The following KMT2C variants were observed in gnomAD, a reference collection of about 807,000 sequenced individuals.
KMT2C encodes lysine methyltransferase 2C.
In KMT2C, 88 loss-of-function variants were observed where a neutral mutation model predicts 507.9. The observed-to-expected ratio is 0.17, with a 90% CI of 0.15 to 0.21. The LOEUF is 0.21. Among genes scored for constraint, KMT2C ranks in the 10% least tolerant of loss-of-function variants. KMT2C has a pLI of 1.00. For synonymous variants in KMT2C, 2,049 were observed against 2,080.8 expected (o/e 0.98, Z 0.42); for missense variants, 4,954 against 5,957.8 (o/e 0.83, Z 5.55).
intron 1 of KMT2C, among the ~76,000 whole-genome samples, chr7:152,382,233 G>A (rs2097380629): frequency 6.6e-6 from 1 of 152,146 alleles, no homozygotes; most frequent in Admixed American, 6.6e-5. Flanking sequence ...TGAGACAAAA[G>A]ATACGCATTC....
chr7:152,144,837 C>T lies in KMT2C; in HGVS notation c.14219G>A (p.Ser4740Asn), dbSNP rs759820358. 4 of 1,614,094 alleles carry T rather than the reference C, an allele frequency of 2.5e-6. No homozygotes were observed. The East Asian group carries it at 6.7e-5, about 27-fold the overall frequency. The stretch of plus-strand genomic sequence containing the variant: ...TGCGTTCAGTTCTCCAGTGACTGTG[C>T]TCTGAAATGACTTTGAGGTGCTGGT... Reference protein sequence around the residue: ...NSTSTSKSFQSTVTGELNAPY... With the variant: ...NSTSTSKSFQNTVTGELNAPY... Residue 4740 changes from serine (S) to asparagine (N), a missense_variant, in exon 55 of 59, where the codon AGC becomes AAC. Transcript: ENST00000262189. The surrounding 1 kb of genome is among the most constrained non-coding windows in gnomAD (Gnocchi z 4.4).
chr7:152,205,913 A>G (rs1222080193), intron 24 of KMT2C, among the ~76,000 whole-genome samples: 2 of 152,184 alleles, frequency 1.3e-5, no homozygotes, highest in African/African-American at 4.8e-5. Flanking sequence ...TACCTAGATG[A>G]CACAAATATT....
intron 6 of KMT2C, among the ~76,000 whole-genome samples, chr7:152,298,490 A>G (rs1454812099): frequency 6.6e-6 from 1 of 152,228 alleles, no homozygotes; most frequent in Non-Finnish European, 1.5e-5. Flanking sequence ...AGACAGCAGT[A>G]CATCTCTAAA....
intron 1 of KMT2C, among the ~76,000 whole-genome samples, chr7:152,411,334 G>C (rs1024043290): frequency 6.6e-6 from 1 of 152,046 alleles, no homozygotes; most frequent in African/African-American, 2.4e-5. Flanking sequence ...TTTCAGTAGG[G>C]CGGGATCCGT....
intron 46 of KMT2C, 29 bp from the exon 47 acceptor site, chr7:152,154,474 G>C (rs879620695): frequency 8.7e-6 from 14 of 1,602,100 alleles, no homozygotes; most frequent in Non-Finnish European, 1.2e-5. Flanking sequence ...ACACATCAAA[G>C]TCTGCAAATC....
chr7:152,315,425 T>C (rs1224443265), intron 3 of KMT2C, 87 bp from the exon 4 acceptor site: 27 of 909,336 alleles, frequency 3.0e-5, no homozygotes, highest in Non-Finnish European at 4.7e-5. Flanking sequence ...CTTGTGCTTT[T>C]AAATTATGTC....
intron 42 of KMT2C, among the ~76,000 whole-genome samples, chr7:152,166,940 T>C (rs2092757305): frequency 6.6e-6 from 1 of 152,226 alleles, no homozygotes; most frequent in Admixed American, 6.5e-5. Context: ...GTATGTGCTG[T>C]GACCGTCACT....
intron 12 of KMT2C, 71 bp from the exon 13 acceptor site, chr7:152,250,024 T>C (rs2095539302): frequency 1.0e-5 from 9 of 863,624 alleles, no homozygotes; most frequent in Admixed American, 5.5e-5. Flanking sequence ...CAACAGTAAT[T>C]TGAGTAAAGA....
intron 23 of KMT2C, among the ~76,000 whole-genome samples, chr7:152,215,454 C>T (rs2094550162): frequency 7.6e-6 from 1 of 131,288 alleles, no homozygotes; most frequent in Admixed American, 9.5e-5. Flanking sequence ...GCGGAGCTTG[C>T]AGTGAGCAAA....
intron 14 of KMT2C, among the ~76,000 whole-genome samples, chr7:152,244,703 G>T (rs1362693440): frequency 4.6e-5 from 7 of 152,012 alleles, no homozygotes; most frequent in African/African-American, 1.7e-4. Context: ...TCATCTTTGT[G>T]AAATCCTGCG....
At chr7:152,389,197 T>A (rs1320158551) in intron 1 of KMT2C, among the ~76,000 whole-genome samples, 1 of 151,996 alleles carries the variant, frequency 6.6e-6, no homozygotes, top group Non-Finnish European at 1.5e-5. Flanking sequence ...TCACTCTTAA[T>A]TTTTTTAAAT....
At chr7:152,311,050 G>T (rs956917461) in intron 5 of KMT2C, among the ~76,000 whole-genome samples, 1 of 152,100 alleles carries the variant, frequency 6.6e-6, no homozygotes, top group African/African-American at 2.4e-5. Flanking sequence ...AAGAATAACT[G>T]AATTAGTGAT....
chr7:152,361,112 C>A (rs1321749631), intron 1 of KMT2C, among the ~76,000 whole-genome samples: 1 of 151,910 alleles, frequency 6.6e-6, no homozygotes, highest in East Asian at 1.9e-4. Flanking sequence ...AGCATCACTT[C>A]AAACTTCACA....
Position 152,252,727 on chromosome 7 carries a change from G to A in KMT2C, c.1300-12C>T. The stretch of plus-strand genomic sequence containing the variant: ...CATATTCTGCAATTCTAAACACCAG[G>A]AAAAATAAAAACAAAAACAGTTTGT... On this transcript the variant is annotated splice_polypyrimidine_tract_variant and intron_variant, in intron 9 of 58. Transcript: ENST00000262189. The A allele has an allele frequency of 6.4e-7, 1 of 1,567,496 alleles. No homozygotes were observed.
intron 6 of KMT2C, among the ~76,000 whole-genome samples, chr7:152,282,342 G>A (rs2096232521): frequency 6.6e-6 from 1 of 151,666 alleles, no homozygotes; most frequent in African/African-American, 2.4e-5. Flanking sequence ...CCACTTTGGG[G>A]TTAGAATCCA....
chr7:152,343,270 A>G (rs970632876), intron 2 of KMT2C, among the ~76,000 whole-genome samples: 17 of 152,198 alleles, frequency 1.1e-4, no homozygotes, highest in African/African-American at 3.9e-4. Flanking sequence ...GGGCAATGTA[A>G]GCAGAGAACT....
chr7:152,326,310 TGTGA>T (rs756117616), intron 3 of KMT2C, among the ~76,000 whole-genome samples: 3 of 152,188 alleles, frequency 2.0e-5, no homozygotes, highest in Non-Finnish European at 4.4e-5. Context: ...TCCCCTAAAA[TGTGA>T]GTATTATACT....
intron 18 of KMT2C, among the ~76,000 whole-genome samples, chr7:152,226,912 C>A (rs1314940958): frequency 6.6e-6 from 1 of 152,216 alleles, no homozygotes; most frequent in Non-Finnish European, 1.5e-5. Context: ...GTGACCCTGG[C>A]TTAAACAATG....
chr7:152,232,518 C>A (rs545387927), intron 16 of KMT2C, among the ~76,000 whole-genome samples: 34 of 152,194 alleles, frequency 2.2e-4, no homozygotes, highest in African/African-American at 7.7e-4. Context: ...GAAATTGCTG[C>A]TTTTCATCAG....
Sources: allele counts gnomAD v4.1 joint callset (sites outside exome capture counted in the v4.1 genomes callset), GRCh38; gene constraint gnomAD v4.1.1; non-coding constraint Gnocchi (gnomAD v3.1); transcripts MANE v1.5; gene names NCBI Gene and HGNC (gene_info 2026-07-23, HGNC 2026-07-21).